Variants in AATK observed in about 807,000 individuals in gnomAD.
AATK encodes the protein lemur tail kinase 1.
A neutral mutation model predicts 114.3 loss-of-function variants in AATK; 91 were observed. The ratio of observed to expected loss-of-function variants is 0.80; its 90% CI spans 0.67 to 0.95. The LOEUF is 0.95. Ranked by LOEUF, AATK falls within the 40% of genes least tolerant of loss-of-function variation. AATK has a pLI of 0.00. For missense variants in AATK, 2,176 were observed against 1,965.2 expected, an observed-to-expected ratio of 1.11 and a Z score of -2.03; for synonymous variants, 1,075 against 916.5, an observed-to-expected ratio of 1.17 and a Z score of -3.12.
intron 1 of AATK, among the ~76,000 whole-genome samples, chr17:81,145,560 C>T (rs1391212070): frequency 2.0e-5 from 3 of 151,696 alleles, no homozygotes; most frequent in African/African-American, 7.3e-5. Context: ...TGATGAAACC[C>T]CGTCTCTACT....
Position 81,123,344 on chromosome 17 carries a change from C to G in AATK, c.963-1G>C, listed in dbSNP as rs1172819106. On this transcript the variant is annotated splice_acceptor_variant, in intron 9 of 13. Transcript: ENST00000326724. LOFTEE classifies it high-confidence loss of function. ...CTCCCAGATGGTCACGCCCAGGGAC[C>G]TGTGGGGCGACAGCCGTGAGCCAGG... 7.3e-7 allele frequency: 1 copy of G among 1,365,302 alleles called. No homozygotes were observed. The highest frequency in any genetic ancestry group is 9.4e-7 in the Non-Finnish European group (1 of 1,058,494). 84.6% of individuals were successfully genotyped at this position (1,365,302 alleles called of 1,614,324 possible). A position where few individuals can be genotyped will look rare whatever the true frequency, so the allele number is the denominator to read the frequency against.
chr17:81,153,748 A>T (rs1012110809), intron 1 of AATK, among the ~76,000 whole-genome samples: 1 of 152,302 alleles, frequency 6.6e-6, no homozygotes, highest in South Asian at 2.1e-4. Flanking sequence ...ATCTAATAGG[A>T]ATGCTCATGC....
chr17:81,119,283 T>TGGCCCGGCCCAGGACCTAGACGGAGG (rs1324767340), intron 13 of AATK, 97 bp downstream of exon 13: 5 of 1,221,066 alleles, frequency 4.1e-6, no homozygotes, highest in Admixed American at 7.3e-5. Context: ...GAGCCGGGGC[T>TGGCCCGGCCCAGGACCTAGACGGAGG]GGCCCGGCCC....
At chr17:81,145,780 T>A in intron 1 of AATK, among the ~76,000 whole-genome samples, 1 of 142,962 alleles carries the variant, frequency 7.0e-6, no homozygotes. Context: ...GCCCTCAAAT[T>A]AAAGGCACAC....
chr17:81,136,227 C>G (rs929556101), intron 1 of AATK: 1 of 152,436 alleles, frequency 6.6e-6, no homozygotes, highest in African/African-American at 2.4e-5. Flanking sequence ...TCCTGGCGGG[C>G]CCTTCCCTCA....
At chr17:81,136,670 C>T (rs944965173) in intron 1 of AATK, among the ~76,000 whole-genome samples, 4 of 152,202 alleles carry the variant, frequency 2.6e-5, no homozygotes, top group Non-Finnish European at 5.9e-5. Flanking sequence ...GGTCATTCAG[C>T]ACCACGTGCT....
chr17:81,159,843 T>A (rs2061409539), intron 1 of AATK, among the ~76,000 whole-genome samples: 1 of 151,656 alleles, frequency 6.6e-6, no homozygotes, highest in Admixed American at 6.6e-5. Context: ...CCAGCCTGGC[T>A]CCCCCAGGCC....
chr17:81,157,783 A>G (rs1318857860), intron 1 of AATK, among the ~76,000 whole-genome samples: 1 of 152,164 alleles, frequency 6.6e-6, no homozygotes, highest in Non-Finnish European at 1.5e-5. Context: ...GACAGTGGAG[A>G]AGCCTCCAAG....
intron 13 of AATK, among the ~76,000 whole-genome samples, chr17:81,119,072 A>AGGGCCTGC (rs1568215264): frequency 6.6e-6 from 1 of 151,924 alleles, no homozygotes; most frequent in Non-Finnish European, 1.5e-5. Flanking sequence ...TTCCGGTGAG[A>AGGGCCTGC]GGGCCTGCCG....
rs904756635 is a variant in AATK, at chr17:81,118,341, C to T, written c.*61G>A. The T allele has an allele frequency of 5.6e-5, 85 of 1,528,396 alleles. No homozygotes were observed. The highest frequency in any genetic ancestry group is 3.4e-4 in the Middle Eastern group (2 of 5,926). The allele number at this position is 1,528,396 out of a possible 1,614,324, so 94.7% of individuals were successfully genotyped here. A position where few individuals can be genotyped will look rare whatever the true frequency, so the allele number is the denominator to read the frequency against. On this transcript the variant is annotated 3_prime_UTR_variant, in exon 14 of 14. Transcript: ENST00000326724. ...TCCCCACCTTCTCGGTCACCATCCTCGCTGCTGCCTGGCAGGGGCTCCGGT... is the reference window on the plus strand; with the variant it reads ...TCCCCACCTTCTCGGTCACCATCCTTGCTGCTGCCTGGCAGGGGCTCCGGT...
At chr17:81,128,598 C>T in intron 3 of AATK, 49 bp from the exon 4 acceptor site, 2 of 1,546,206 alleles carry the variant, frequency 1.3e-6, no homozygotes, top group South Asian at 1.2e-5. Flanking sequence ...TCCGCACCCC[C>T]CAGCTTCCTC....
Position 81,120,595 on chromosome 17 carries a change from C to T in AATK, c.3341G>A (p.Ser1114Asn). 3.2e-6 allele frequency: 5 copies of T among 1,546,098 alleles called. No individual in the cohort carries two copies. The highest frequency in any genetic ancestry group is 1.2e-5 in the South Asian group (1 of 81,592). The part of the protein sequence containing the change: ...TPVPLRSEGN[S>N]SEFQGPPGLL... Reference sequence around the variant, plus strand: ...TCCTGGGGGCCCCTGGAACTCAGAGCTGTTGCCTTCTGATCTCAGCGGAAC... The same window carrying T: ...TCCTGGGGGCCCCTGGAACTCAGAGTTGTTGCCTTCTGATCTCAGCGGAAC... Residue 1114 changes from serine to asparagine, a missense_variant, in exon 11 of 14, where the codon AGC (serine) becomes AAC (asparagine). Physicochemically the swap from Ser to Asn is conservative, Grantham distance 46 (BLOSUM62 1). Transcript: ENST00000326724.
At chr17:81,137,761 AC>A (rs1241369244) in intron 1 of AATK, among the ~76,000 whole-genome samples, 10 of 151,868 alleles carry the variant, frequency 6.6e-5, no homozygotes, top group African/African-American at 2.4e-4. Context: ...CATGCATACA[AC>A]CATACGTGTG....
intron 1 of AATK, among the ~76,000 whole-genome samples, 190 bp from the exon 2 acceptor site, chr17:81,134,691 C>T (rs2060984090): frequency 6.6e-6 from 1 of 152,246 alleles, no homozygotes. Context: ...AGTCCTGCAG[C>T]CAGCCACTGG....
chr17:81,134,007 G>A (rs1010112599), intron 2 of AATK, among the ~76,000 whole-genome samples: 2 of 152,156 alleles, frequency 1.3e-5, no homozygotes, highest in Admixed American at 6.5e-5. Flanking sequence ...CCTCCACCAG[G>A]AGTCGGGCCT....
intron 1 of AATK, among the ~76,000 whole-genome samples, chr17:81,159,348 G>C (rs2061403365): frequency 6.6e-6 from 1 of 152,106 alleles, no homozygotes; most frequent in African/African-American, 2.4e-5. Context: ...GCCTGCGAGT[G>C]ACCGGCCAGG....
In AATK at chr17:81,120,443, T is replaced by C; in HGVS notation, c.3493A>G (p.Ser1165Gly). The C allele has an allele frequency of 1.3e-6, 2 of 1,568,742 alleles. No homozygotes were observed. Among genetic ancestry groups the C allele is most frequent in the Non-Finnish European group, 1.7e-6 (2 of 1,153,470 alleles). The change falls in exon 11 of 14, where the codon AGT becomes GGT. Residue 1165 changes from serine (S) to glycine (G), a missense_variant. Physicochemically the swap from Ser to Gly is moderately conservative, Grantham distance 56. Coordinates refer to ENST00000326724, the MANE Select transcript of AATK (RefSeq NM_001080395.3). ...EGRPEEEEED[S>G]EDSDESDEEL... Reference sequence around the variant, plus strand: ...TCGTCAGACTCGTCGCTGTCCTCACTGTCCTCCTCCTCCTCCTCCGGCCGG... The same window carrying C: ...TCGTCAGACTCGTCGCTGTCCTCACCGTCCTCCTCCTCCTCCTCCGGCCGG...
Position 81,126,693 on chromosome 17 carries a change from G to T in AATK, c.622-133C>A, listed in dbSNP as rs2060831943. 2 of 1,439,226 alleles carry T rather than the reference G, an allele frequency of 1.4e-6. No individual in the cohort carries two copies. The highest frequency in any genetic ancestry group is 1.4e-5 in the African/African-American group (1 of 70,132). 89.2% of individuals were successfully genotyped at this position (1,439,226 alleles called of 1,614,324 possible). A position where few individuals can be genotyped will look rare whatever the true frequency, so the allele number is the denominator to read the frequency against. On this transcript the variant is annotated intron_variant, in intron 6 of 13. Coordinates refer to ENST00000326724, the MANE Select transcript of AATK (RefSeq NM_001080395.3). The surrounding 1 kb of genome is among the most constrained non-coding windows in gnomAD (Gnocchi z 5.1). ...CAGCAGCTGCCCAGAGCAGCCTCGT[G>T]CCCTGCACAGTGGCCAGCACCCAGC...
intron 1 of AATK, chr17:81,165,408 C>G: frequency 3.4e-6 from 1 of 294,716 alleles, no homozygotes; most frequent in Non-Finnish European, 6.8e-6. Flanking sequence ...ACCAAGGCCC[C>G]TCTCTTCTGA....
Sources: allele counts gnomAD v4.1 joint callset (sites outside exome capture counted in the v4.1 genomes callset), GRCh38; gene constraint gnomAD v4.1.1; non-coding constraint Gnocchi (gnomAD v3.1); transcripts MANE v1.5; gene names NCBI Gene and HGNC (gene_info 2026-07-23, HGNC 2026-07-21).